The following KCND2 variants were observed in gnomAD, a reference collection of about 807,000 sequenced individuals.
KCND2 encodes A-type voltage-gated potassium channel KCND2.
A neutral mutation model predicts 54.4 loss-of-function variants in KCND2; 16 were observed. That is an observed-to-expected ratio of 0.29 (90% CI 0.20 to 0.45). KCND2 has a LOEUF of 0.45. Ranked by LOEUF, KCND2 falls within the 20% of genes least tolerant of loss-of-function variation. KCND2 has a pLI of 1.00. For synonymous variants in KCND2, 317 were observed against 310.7 expected (o/e 1.02, Z -0.21); for missense variants, 486 against 824.2 (o/e 0.59, Z 5.02).
intron 1 of KCND2, among the ~76,000 whole-genome samples, chr7:120,333,915 T>C (rs1174967875): frequency 6.6e-6 from 1 of 152,198 alleles, no homozygotes; most frequent in Non-Finnish European, 1.5e-5. Flanking sequence ...AATATGTGAC[T>C]ACATTTTTTA....
chr7:120,632,487 T>TG (rs1007397747), intron 1 of KCND2, among the ~76,000 whole-genome samples: 5 of 152,150 alleles, frequency 3.3e-5, no homozygotes, highest in African/African-American at 1.2e-4. Context: ...TGGAGTTATT[T>TG]GGGGAATGAA....
At chr7:120,366,285 G>A (rs1326870599) in intron 1 of KCND2, among the ~76,000 whole-genome samples, 1 of 152,046 alleles carries the variant, frequency 6.6e-6, no homozygotes, top group Non-Finnish European at 1.5e-5. Flanking sequence ...AGGAGTTCGA[G>A]ACCAGCTTGG....
chr7:120,689,895 T>C (rs1792248751), intron 1 of KCND2, among the ~76,000 whole-genome samples: 1 of 152,210 alleles, frequency 6.6e-6, no homozygotes, highest in South Asian at 2.1e-4. Context: ...CATTCCTCTC[T>C]ATCAGTATTG....
chr7:120,642,473 A>G (rs1793388715), intron 1 of KCND2, among the ~76,000 whole-genome samples: 1 of 151,432 alleles, frequency 6.6e-6, no homozygotes, highest in South Asian at 2.1e-4. Context: ...AAGGCACAAG[A>G]ATCACTTGAA....
chr7:120,335,409 G>A (rs527281468), intron 1 of KCND2, among the ~76,000 whole-genome samples: 1 of 146,498 alleles, frequency 6.8e-6, no homozygotes, highest in Admixed American at 6.9e-5. Flanking sequence ...GAACCTGATA[G>A]CAGGCCTTGG....
chr7:120,332,115 A>C (rs1304126015), intron 1 of KCND2, among the ~76,000 whole-genome samples: 2 of 152,048 alleles, frequency 1.3e-5, no homozygotes, highest in Non-Finnish European at 2.9e-5. Context: ...ATTGAAATTG[A>C]TATCATTAAT....
chr7:120,459,745 C>T (rs550619914), intron 1 of KCND2, among the ~76,000 whole-genome samples: 4 of 152,264 alleles, frequency 2.6e-5, no homozygotes, highest in Admixed American at 6.5e-5. Context: ...ATTCTCCTTT[C>T]GGCTTTACTT....
intron 1 of KCND2, among the ~76,000 whole-genome samples, chr7:120,637,773 G>C (rs1793323189): frequency 1.3e-5 from 2 of 152,038 alleles, no homozygotes; most frequent in South Asian, 4.1e-4. Flanking sequence ...ACAGCTCAAA[G>C]TGTCTTAAAT....
At chr7:120,295,819 A>G (rs1251138082) in intron 1 of KCND2, among the ~76,000 whole-genome samples, 1 of 151,964 alleles carries the variant, frequency 6.6e-6, no homozygotes, top group East Asian at 1.9e-4. Flanking sequence ...TCGAGGTGCA[A>G]GTGTAGGGGA....
At chr7:120,372,434 A>C (rs909323879) in intron 1 of KCND2, among the ~76,000 whole-genome samples, 1 of 149,170 alleles carries the variant, frequency 6.7e-6, no homozygotes, top group African/African-American at 2.5e-5. Context: ...GGCAATGAGC[A>C]AAGTTTGCTT....
At chr7:120,355,111 T>C (rs1800479983) in intron 1 of KCND2, among the ~76,000 whole-genome samples, 1 of 152,226 alleles carries the variant, frequency 6.6e-6, no homozygotes, top group African/African-American at 2.4e-5. Flanking sequence ...TTCCTTGATT[T>C]ACAATGGGGC....
rs150639925 is a variant in KCND2, at chr7:120,373,951, C to T, written c.1115+98204C>T. ...TATAGATAGTAATTATATATTCTAT[C>T]GCATTTGGGGCTATTTAATAAATCC... On this transcript the variant is annotated intron_variant, in intron 1 of 5. Coordinates refer to ENST00000331113, the MANE Select transcript of KCND2 (RefSeq NM_012281.3). 4.0e-3 allele frequency among the ~76,000 whole-genome samples: 613 copies of T among 151,688 alleles called. 4 individuals carry two copies. The highest frequency in any genetic ancestry group is 0.014 in the African/African-American group (573 of 41,446).
intron 1 of KCND2, among the ~76,000 whole-genome samples, chr7:120,340,070 CTT>C (rs757796466): frequency 2.0e-5 from 3 of 152,136 alleles, no homozygotes; most frequent in South Asian, 4.2e-4. Context: ...AATCACTTGA[CTT>C]TTACACTGAG....
intron 1 of KCND2, among the ~76,000 whole-genome samples, chr7:120,312,623 A>C (rs1799754472): frequency 6.6e-6 from 1 of 152,204 alleles, no homozygotes; most frequent in African/African-American, 2.4e-5. Flanking sequence ...TCAGCCTCAA[A>C]GAATTACTTG....
intron 1 of KCND2, among the ~76,000 whole-genome samples, chr7:120,358,366 A>T (rs1227562951): frequency 6.6e-6 from 1 of 152,076 alleles, no homozygotes; most frequent in Non-Finnish European, 1.5e-5. Context: ...TTTTATTTTC[A>T]ATGCATAAAT....
At chr7:120,373,610 G>A (rs2116006377) in intron 1 of KCND2, among the ~76,000 whole-genome samples, 1 of 151,948 alleles carries the variant, frequency 6.6e-6, no homozygotes, top group Non-Finnish European at 1.5e-5. Context: ...TGGGAAGAAA[G>A]CGATCATCAG....
chr7:120,436,534 A>T (rs1238918171), intron 1 of KCND2, among the ~76,000 whole-genome samples: 1 of 152,134 alleles, frequency 6.6e-6, no homozygotes, highest in Non-Finnish European at 1.5e-5. Flanking sequence ...GCTCTTGCTA[A>T]ACTTAATTTG....
chr7:120,336,062 A>G (rs1800147483), intron 1 of KCND2, among the ~76,000 whole-genome samples: 1 of 152,290 alleles, frequency 6.6e-6, no homozygotes, highest in African/African-American at 2.4e-5. Flanking sequence ...GCTAACCATT[A>G]TTTTTTAAGG....
intron 1 of KCND2, among the ~76,000 whole-genome samples, chr7:120,518,404 G>A (rs139500499): frequency 6.6e-6 from 1 of 152,054 alleles, no homozygotes; most frequent in East Asian, 1.9e-4. Context: ...GAAGCAAATA[G>A]CTTAGGTATG....
Sources: gnomAD v4.1 joint callset for allele counts (sites outside exome capture counted in the v4.1 genomes callset) on GRCh38, gnomAD v4.1.1 for gene constraint, MANE v1.5 for transcripts, NCBI Gene and HGNC (gene_info 2026-07-23, HGNC 2026-07-21) for gene names.